ZPBP: variants seen among roughly 807,000 people sequenced by gnomAD.
ZPBP encodes the protein zona pellucida binding protein, also known as zona pellucida-binding protein 1.
In ZPBP, 26 loss-of-function variants were observed where a neutral mutation model predicts 44.8. The observed-to-expected ratio is 0.58, with a 90% CI of 0.43 to 0.81. The LOEUF is 0.81. Ranked by LOEUF, ZPBP falls within the 30% of genes least tolerant of loss-of-function variation. The pLI is 0.00. For synonymous variants in ZPBP, 174 were observed against 153.2 expected (o/e 1.14, Z -1.00); for missense variants, 409 against 434.0 (o/e 0.94, Z 0.51).
chr7:50,083,657 T>G (rs1911756), intron 2 of ZPBP, among the ~76,000 whole-genome samples: 118,014 of 151,744 alleles, frequency 0.78, 45,995 homozygotes, highest in East Asian at 0.88. Context: ...GAACAAATAA[T>G]GGGTCTAGGG....
chr7:49,855,869 A>T (rs1328073432), intron 2 of ZPBP, among the ~76,000 whole-genome samples: 1 of 152,050 alleles, frequency 6.6e-6, no homozygotes, highest in South Asian at 2.1e-4. Context: ...ATTCCCAGGG[A>T]TTTGGTGAGA....
At chr7:49,847,137 T>G (rs1267359047), downstream of ZPBP, among the ~76,000 whole-genome samples, 2 of 151,830 alleles carry the variant, frequency 1.3e-5, no homozygotes, top group African/African-American at 4.8e-5. Context: ...ATAGGTGTAT[T>G]TTAAAAGGGT....
chr7:50,060,876 C>T (rs1584143900), intron 3 of ZPBP, among the ~76,000 whole-genome samples: 1 of 152,130 alleles, frequency 6.6e-6, no homozygotes, highest in African/African-American at 2.4e-5. Flanking sequence ...AATTTTAGGA[C>T]AATAACCCTG....
At chr7:50,028,400 C>T (rs906265593) in intron 5 of ZPBP, among the ~76,000 whole-genome samples, 1 of 151,982 alleles carries the variant, frequency 6.6e-6, no homozygotes, top group Non-Finnish European at 1.5e-5. Context: ...AGACTGAAAG[C>T]TTTCCTCCTA....
chr7:50,070,098 T>C (rs1287645285), intron 3 of ZPBP, among the ~76,000 whole-genome samples: 2 of 151,658 alleles, frequency 1.3e-5, no homozygotes, highest in Non-Finnish European at 2.9e-5. Flanking sequence ...CACACAACAC[T>C]CCTACCCCAG....
At chr7:49,987,712 T>G (rs1441988969) in intron 6 of ZPBP, among the ~76,000 whole-genome samples, 4 of 146,376 alleles carry the variant, frequency 2.7e-5, no homozygotes, top group African/African-American at 1.0e-4. Flanking sequence ...TGCCTTTCTG[T>G]GTAGTTATAT....
At chr7:49,969,648 G>C (rs1231608134) in intron 7 of ZPBP, among the ~76,000 whole-genome samples, 1 of 151,656 alleles carries the variant, frequency 6.6e-6, no homozygotes, top group African/African-American at 2.4e-5. Context: ...AGAAAAGAAG[G>C]TTTCAGCCAA....
downstream of ZPBP, among the ~76,000 whole-genome samples, chr7:49,849,603 T>A (rs941015417): frequency 7.9e-5 from 12 of 152,254 alleles, no homozygotes; most frequent in Admixed American, 7.8e-4. Flanking sequence ...AATGTAAATG[T>A]TCTAACCAAG....
chr7:50,053,207 G>A (rs952102060), intron 4 of ZPBP, among the ~76,000 whole-genome samples: 3 of 152,148 alleles, frequency 2.0e-5, no homozygotes, highest in African/African-American at 7.2e-5. Context: ...TGATCTGTCT[G>A]TACTATTTCT....
chr7:50,066,499 A>T (rs989259038), intron 3 of ZPBP, among the ~76,000 whole-genome samples: 3 of 152,014 alleles, frequency 2.0e-5, no homozygotes, highest in Admixed American at 1.3e-4. Flanking sequence ...TTTTCTAGAG[A>T]TTTCTTCCCT....
chr7:50,070,707 G>A (rs1801793358), intron 3 of ZPBP, among the ~76,000 whole-genome samples: 1 of 152,152 alleles, frequency 6.6e-6, no homozygotes, highest in South Asian at 2.1e-4. Context: ...AAAGAGTCAA[G>A]TTACCTTTTA....
chr7:49,950,750 T>C (rs1795306317), intron 7 of ZPBP, among the ~76,000 whole-genome samples: 1 of 151,672 alleles, frequency 6.6e-6, no homozygotes. Flanking sequence ...AGGTAAAACT[T>C]TCCTAAGAAG....
At chr7:49,884,203 C>T (rs1791800253) in intron 2 of ZPBP, among the ~76,000 whole-genome samples, 2 of 152,170 alleles carry the variant, frequency 1.3e-5, no homozygotes, top group African/African-American at 4.8e-5. Flanking sequence ...AGGCTGCTGG[C>T]TGAGGAGCCA....
intron 6 of ZPBP, among the ~76,000 whole-genome samples, chr7:49,986,319 A>G (rs1311829613): frequency 1.3e-5 from 2 of 151,944 alleles, no homozygotes; most frequent in African/African-American, 4.8e-5. Flanking sequence ...TTTTTTCAGG[A>G]GTGTAATGGC....
chr7:49,961,514 T>C (rs1440372771), intron 7 of ZPBP, among the ~76,000 whole-genome samples: 5 of 152,142 alleles, frequency 3.3e-5, no homozygotes, highest in African/African-American at 9.7e-5. Flanking sequence ...GGGACTTTTC[T>C]TGACCATTGT....
Position 50,093,229 on chromosome 7 carries a change from G to T in ZPBP, c.-35C>A. The T allele has an allele frequency of 1.3e-6, 2 of 1,499,550 alleles. No individual in the cohort carries two copies. The highest frequency in any genetic ancestry group is 8.9e-7 in the Non-Finnish European group (1 of 1,128,582). 92.9% of individuals were successfully genotyped at this position (1,499,550 alleles called of 1,614,324 possible). A position where few individuals can be genotyped will look rare whatever the true frequency, so the allele number is the denominator to read the frequency against. Reference sequence around the variant, plus strand: ...GCCGTCGCCTGCCCACCGTCCGCGCGGAAGGTCGTTAGGCAACGCGCGCCC... The same window carrying T: ...GCCGTCGCCTGCCCACCGTCCGCGCTGAAGGTCGTTAGGCAACGCGCGCCC... On this transcript the variant is annotated 5_prime_UTR_variant, in exon 1 of 8. Transcript: ENST00000046087.
intron 2 of ZPBP, among the ~76,000 whole-genome samples, chr7:49,861,345 CT>C (rs1562737606): frequency 6.6e-6 from 1 of 152,086 alleles, no homozygotes; most frequent in Admixed American, 6.5e-5. Context: ...AGTTGCTTGC[CT>C]TTTTGTTGTT....
At chr7:50,033,898 G>A (rs1799713635) in intron 4 of ZPBP, among the ~76,000 whole-genome samples, 1 of 151,974 alleles carries the variant, frequency 6.6e-6, no homozygotes, top group Admixed American at 6.6e-5. Context: ...TCACTATGTT[G>A]GCTAGTCTGG....
intron 7 of ZPBP, among the ~76,000 whole-genome samples, chr7:49,969,509 C>CA (rs35476493): frequency 0.75 from 103,438 of 138,282 alleles, 38,251 homozygotes; most frequent in East Asian, 0.88. Flanking sequence ...ATAGTATGGT[C>CA]AAAAAAAAAA....
Sources: gnomAD v4.1 joint callset for allele counts (sites outside exome capture counted in the v4.1 genomes callset) on GRCh38, gnomAD v4.1.1 for gene constraint, MANE v1.5 for transcripts, NCBI Gene and HGNC (gene_info 2026-07-23, HGNC 2026-07-21) for gene names.